PICALM: variants seen among roughly 807,000 people sequenced by gnomAD.
PICALM encodes the protein phosphatidylinositol binding clathrin assembly protein, also known as phosphatidylinositol-binding clathrin assembly protein.
In PICALM, 40 loss-of-function variants were observed where a neutral mutation model predicts 80.5. The ratio of observed to expected loss-of-function variants is 0.50; its 90% CI spans 0.39 to 0.65. The LOEUF (loss-of-function observed/expected upper bound fraction) is 0.65. Among genes scored for constraint, PICALM ranks in the 30% least tolerant of loss-of-function variants. PICALM has a pLI of 0.00. For missense variants in PICALM, 676 were observed against 778.9 expected (o/e 0.87, Z 1.57); for synonymous variants, 288 against 260.3 (o/e 1.11, Z -1.02).
intron 2 of PICALM, 126 bp downstream of exon 2, chr11:86,031,343 A>G (rs983667657): frequency 1.8e-5 from 12 of 676,398 alleles, no homozygotes; most frequent in African/African-American, 3.6e-5. Flanking sequence ...CAGGGTCTAT[A>G]ATTATATTTC....
intron 3 of PICALM, among the ~76,000 whole-genome samples, chr11:86,024,132 ACTCCAGCCT>A (rs1347324331): frequency 2.0e-5 from 3 of 151,906 alleles, no homozygotes; most frequent in African/African-American, 4.8e-5. Context: ...GGTCTCTCTT[ACTCCAGCCT>A]CAGCAACAGA....
At chr11:86,040,003 CAAAAAAA>C (rs752086947) in intron 1 of PICALM, among the ~76,000 whole-genome samples, 4 of 53,384 alleles carry the variant, frequency 7.5e-5, no homozygotes, top group Non-Finnish European at 1.4e-4. Flanking sequence ...GACGCCGTCT[CAAAAAAA>C]AAAAAAAAAA....
chr11:85,997,358 C>T (rs991487442), intron 11 of PICALM, among the ~76,000 whole-genome samples: 5 of 152,198 alleles, frequency 3.3e-5, no homozygotes, highest in African/African-American at 1.2e-4. Flanking sequence ...TCATTAACCT[C>T]ACTTCTAGTG....
At chr11:85,990,903 T>C (rs2094750680) in intron 12 of PICALM, among the ~76,000 whole-genome samples, 1 of 151,952 alleles carries the variant, frequency 6.6e-6, no homozygotes, top group African/African-American at 2.4e-5. Flanking sequence ...AAAATAAAGA[T>C]GAAGAAAAAA....
At chr11:86,000,432 G>A (rs1463597478) in intron 11 of PICALM, among the ~76,000 whole-genome samples, 1 of 152,120 alleles carries the variant, frequency 6.6e-6, no homozygotes, top group Non-Finnish European at 1.5e-5. Context: ...ATAAATCAGT[G>A]ATTTAACTAT....
At chr11:86,028,402 A>G (rs1260303917) in intron 2 of PICALM, among the ~76,000 whole-genome samples, 2 of 152,242 alleles carry the variant, frequency 1.3e-5, no homozygotes, top group East Asian at 3.8e-4. Flanking sequence ...AACTTTTCAT[A>G]ACAAAATATT....
Position 86,061,701 on chromosome 11 carries a change from C to T in PICALM, c.130+6950G>A, listed in dbSNP as rs973835260. Among the ~76,000 whole-genome samples, 23 of 152,124 alleles carry T rather than the reference C, an allele frequency of 1.5e-4. 1 individual carries two copies. The highest frequency in any genetic ancestry group is 2.9e-5 in the Non-Finnish European group (2 of 68,012). On this transcript the variant is annotated intron_variant, in intron 1 of 19. Transcript: ENST00000393346. The stretch of plus-strand genomic sequence containing the variant: ...TGAAAGACAGTTTAGAGGTTTCTTG[C>T]AAAACTAAAGGTATTCTTACCATAT...
At chr11:85,996,140 T>C (rs566160022) in intron 12 of PICALM, among the ~76,000 whole-genome samples, 2 of 152,252 alleles carry the variant, frequency 1.3e-5, no homozygotes, top group African/African-American at 4.8e-5. Context: ...TGTTCTTAAA[T>C]TCAAATCATT....
chr11:86,017,322 T>C (rs2095496856), intron 4 of PICALM, among the ~76,000 whole-genome samples: 1 of 151,904 alleles, frequency 6.6e-6, no homozygotes, highest in African/African-American at 2.4e-5. Context: ...AATCCATAAA[T>C]ATAACTGATG....
At chr11:85,973,724 A>G (rs1393449967) in intron 19 of PICALM, among the ~76,000 whole-genome samples, 1 of 152,216 alleles carries the variant, frequency 6.6e-6, no homozygotes, top group Non-Finnish European at 1.5e-5. Flanking sequence ...GTAAGACTAT[A>G]TGCTTTGGCA....
chr11:86,059,478 T>C (rs2096322293), intron 1 of PICALM, among the ~76,000 whole-genome samples: 1 of 152,152 alleles, frequency 6.6e-6, no homozygotes, highest in Non-Finnish European at 1.5e-5. Context: ...TTACCTTAAA[T>C]GTGAATATTA....
intron 4 of PICALM, among the ~76,000 whole-genome samples, chr11:86,016,401 A>T (rs1461225755): frequency 6.6e-6 from 1 of 152,240 alleles, no homozygotes; most frequent in Non-Finnish European, 1.5e-5. Context: ...TCCCTGTGGT[A>T]AAAACTATTT....
chr11:86,053,511 GTTTTA>G (rs1357119499), intron 1 of PICALM, among the ~76,000 whole-genome samples: 3 of 152,144 alleles, frequency 2.0e-5, no homozygotes, highest in African/African-American at 7.2e-5. Context: ...TTTGTCTAAA[GTTTTA>G]TTTTAACAAG....
chr11:86,033,336 A>G lies in PICALM; in HGVS notation c.131-1725T>C, dbSNP rs548734560. ...AACATATGTGTATGTATATGTACATATATCCATACTATATTCCCTTTGTGA... is the reference window on the plus strand; with the variant it reads ...AACATATGTGTATGTATATGTACATGTATCCATACTATATTCCCTTTGTGA... On this transcript the variant is annotated intron_variant, in intron 1 of 19. Coordinates refer to ENST00000393346, the MANE Select transcript of PICALM (RefSeq NM_007166.4). Among the ~76,000 whole-genome samples, 3 of 152,312 alleles carry G rather than the reference A, an allele frequency of 2.0e-5. No homozygotes were observed. In the East Asian group the frequency reaches 5.8e-4, roughly 29 times the overall value.
At chr11:85,992,855 C>T (rs1359358524) in intron 12 of PICALM, among the ~76,000 whole-genome samples, 1 of 152,062 alleles carries the variant, frequency 6.6e-6, no homozygotes, top group African/African-American at 2.4e-5. Context: ...CGTGAAACAC[C>T]TTAGAGAAGA....
At chr11:85,960,682 G>A (rs1477566837) in intron 19 of PICALM, 1 of 1,291,982 alleles carries the variant, frequency 7.7e-7, no homozygotes, top group African/African-American at 1.5e-5. Context: ...TACCTAAAGT[G>A]ATTTATAAGA....
At chr11:86,047,797 T>C (rs1301879274) in intron 1 of PICALM, among the ~76,000 whole-genome samples, 2 of 152,110 alleles carry the variant, frequency 1.3e-5, no homozygotes, top group African/African-American at 2.4e-5. Context: ...TATTAGTAAG[T>C]TTCTCTCTTA....
At chr11:86,049,069 G>T (rs111552865) in intron 1 of PICALM, among the ~76,000 whole-genome samples, 28,585 of 152,038 alleles carry the variant, frequency 0.19, 2,986 homozygotes, top group Middle Eastern at 0.24. Context: ...AAGGCGGGTG[G>T]ATCACATGAG....
intron 7 of PICALM, among the ~76,000 whole-genome samples, chr11:86,007,811 T>G (rs2095309571): frequency 6.6e-6 from 1 of 152,064 alleles, no homozygotes; most frequent in South Asian, 2.1e-4. Flanking sequence ...AGTCAACAAA[T>G]CTAAGTTACC....
Sources: allele counts gnomAD v4.1 joint callset (sites outside exome capture counted in the v4.1 genomes callset), GRCh38; gene constraint gnomAD v4.1.1; transcripts MANE v1.5; gene names NCBI Gene and HGNC (gene_info 2026-07-23, HGNC 2026-07-21).